COL22A1: variants seen among roughly 807,000 people sequenced by gnomAD.
The protein encoded by COL22A1 is collagen type XXII alpha 1 chain.
In COL22A1, 221 loss-of-function variants were observed where a neutral mutation model predicts 248.9. The ratio of observed to expected loss-of-function variants is 0.89; its 90% confidence interval spans 0.80 to 0.99. The LOEUF (loss-of-function observed/expected upper bound fraction) is 0.99, where lower values mean the gene tolerates loss of function less well. Ranked by LOEUF, COL22A1 falls within the 50% of genes least tolerant of loss-of-function variation. The probability of loss-of-function intolerance (pLI) is 0.00; values close to 1 mark genes in which losing one functional copy is unlikely to be tolerated. For synonymous variants in COL22A1, 891 were observed against 793.4 expected (o/e 1.12, Z -2.07); for missense variants, 2,240 against 2,179.0 (o/e 1.03, Z -0.56).
chr8:138,834,431 CAA>C (rs1293099840), intron 4 of COL22A1, among the ~76,000 whole-genome samples: 1 of 151,758 alleles, frequency 6.6e-6, no homozygotes, highest in Non-Finnish European at 1.5e-5. Context: ...AAATTCTGCC[CAA>C]AGAGATTATT....
chr8:138,782,101 C>A (rs1342127783), intron 12 of COL22A1, among the ~76,000 whole-genome samples: 1 of 152,222 alleles, frequency 6.6e-6, no homozygotes, highest in Non-Finnish European at 1.5e-5. Flanking sequence ...CCTTCCATGG[C>A]CTCAACATTC....
rs997858690 is a variant in COL22A1 at position 138,607,849 on chromosome 8, A to T, written c.4032+87T>A. On this transcript the variant is annotated intron_variant, in intron 57 of 64. Transcript: ENST00000303045. ...TATGTCCCCACCGATGCTTCTAGGG[A>T]CAGAGGCTGGACAATCTGTAATGTG... 22 of 1,314,216 alleles carry T rather than the reference A, an allele frequency of 1.7e-5. No individual in the cohort carries two copies. The South Asian group carries it at 2.4e-4, about 14-fold the overall frequency. 81.4% of individuals were successfully genotyped at this position (1,314,216 alleles called of 1,614,324 possible). A position where few individuals can be genotyped will look rare whatever the true frequency, so the allele number is the denominator to read the frequency against.
chr8:138,598,722 C>T lies in COL22A1; in HGVS notation c.4362G>A (p.Leu1454=). The T allele has an allele frequency of 6.2e-7, 1 of 1,613,010 alleles. No individual in the cohort carries two copies. The highest frequency in any genetic ancestry group is 1.1e-5 in the South Asian group (1 of 90,990). ...AAAGCCATATTAGCATCCTTACCCTCAGTCCTGGAAATCCCGGCTGGCCTG... is the reference window on the plus strand; with the variant it reads ...AAAGCCATATTAGCATCCTTACCCTTAGTCCTGGAAATCCCGGCTGGCCTG... The part of the protein sequence containing the change: ...GPPGQPGFPG[L]RGESPSMETL... Residue 1454 remains leucine (L), a synonymous_variant, in exon 61 of 65, where the codon CTG becomes CTA. Transcript: ENST00000303045.
chr8:138,671,891 T>C (rs924302778), intron 41 of COL22A1, among the ~76,000 whole-genome samples: 3 of 152,236 alleles, frequency 2.0e-5, no homozygotes, highest in African/African-American at 7.2e-5. Context: ...TTCTCTAGCC[T>C]GCTTTGTTGT....
chr8:138,682,883 T>C (rs961502729), intron 39 of COL22A1, among the ~76,000 whole-genome samples: 1 of 152,146 alleles, frequency 6.6e-6, no homozygotes, highest in Non-Finnish European at 1.5e-5. Flanking sequence ...GTACCTTTAG[T>C]AGAGACAGGG....
At chr8:138,768,162 C>T (rs1434782351) in intron 16 of COL22A1, among the ~76,000 whole-genome samples, 2 of 152,166 alleles carry the variant, frequency 1.3e-5, no homozygotes, top group Admixed American at 6.5e-5. Flanking sequence ...AGTGGTCTCC[C>T]CAAAATCCAT....
At chr8:138,707,036 G>C (rs1828522397) in intron 30 of COL22A1, among the ~76,000 whole-genome samples, 1 of 152,168 alleles carries the variant, frequency 6.6e-6, no homozygotes, top group Admixed American at 6.5e-5. Flanking sequence ...AGAAAATCTA[G>C]AAGAAATGGA....
intron 22 of COL22A1, among the ~76,000 whole-genome samples, chr8:138,747,330 A>AT (rs1270645820): frequency 2.0e-5 from 3 of 152,152 alleles, no homozygotes; most frequent in African/African-American, 4.8e-5. Flanking sequence ...ATCATAAAAC[A>AT]TTTTTTTCAT....
chr8:138,692,492 T>C (rs1483772382), intron 35 of COL22A1, among the ~76,000 whole-genome samples: 3 of 136,664 alleles, frequency 2.2e-5, no homozygotes, highest in Non-Finnish European at 4.9e-5. Flanking sequence ...TGTGTGTGTG[T>C]GTGTGTGTGT....
intron 4 of COL22A1, among the ~76,000 whole-genome samples, chr8:138,834,507 G>A (rs1425949495): frequency 1.3e-5 from 2 of 152,174 alleles, no homozygotes; most frequent in Non-Finnish European, 2.9e-5. Flanking sequence ...GTCAGGGAGG[G>A]AAGCAGGTAG....
Position 138,613,452 on chromosome 8 carries a change from A to C in COL22A1, c.3978+415T>G, listed in dbSNP as rs1350076444. ...GAAGGAACCAACCCTGTTGGTGTGC[A>C]TGTCAGGCTTCTGGCCTCTAGAACC... On this transcript the variant is annotated intron_variant, in intron 56 of 64. Coordinates refer to ENST00000303045, the MANE Select transcript of COL22A1 (RefSeq NM_152888.3). Among the ~76,000 whole-genome samples the C allele has an allele frequency of 2.0e-5, 3 of 152,154 alleles. No individual in the cohort carries two copies. The East Asian group carries it at 5.8e-4, about 29-fold the overall frequency.
At chr8:138,861,086 A>G (rs1822421824) in intron 3 of COL22A1, among the ~76,000 whole-genome samples, 1 of 152,100 alleles carries the variant, frequency 6.6e-6, no homozygotes, top group Non-Finnish European at 1.5e-5. Context: ...TGTTCAGCAG[A>G]GACCCCAACC....
chr8:138,901,367 T>TC (rs1554660894), intron 1 of COL22A1, among the ~76,000 whole-genome samples: 1 of 133,534 alleles, frequency 7.5e-6, no homozygotes, highest in Non-Finnish European at 1.6e-5. Context: ...GGTTTTTTTT[T>TC]TGTTTTTTTT....
chr8:138,659,239 T>A (rs1379582018), intron 44 of COL22A1, among the ~76,000 whole-genome samples: 1 of 152,136 alleles, frequency 6.6e-6, no homozygotes, highest in East Asian at 1.9e-4. Flanking sequence ...CATTGGAAGG[T>A]GTTCAGTGAG....
At chr8:138,798,128 C>A (rs778168350) in intron 11 of COL22A1, among the ~76,000 whole-genome samples, 12 of 147,386 alleles carry the variant, frequency 8.1e-5, no homozygotes, top group Non-Finnish European at 1.8e-4. Flanking sequence ...CCTATTTGTA[C>A]AACAAATTTG....
chr8:138,649,812 G>A, intron 45 of COL22A1, 34 bp from the exon 46 acceptor site: 1 of 1,318,156 alleles, frequency 7.6e-7, no homozygotes, highest in African/African-American at 1.5e-5. Flanking sequence ...GACAAAGAGA[G>A]AATAACTAGC....
At chr8:138,766,802 T>C (rs12545158) in intron 16 of COL22A1, among the ~76,000 whole-genome samples, 83,873 of 152,116 alleles carry the variant, frequency 0.55, 25,035 homozygotes, top group East Asian at 0.84. Flanking sequence ...AGTGGAACCA[T>C]GCCATAGTGT....
At chr8:138,725,361 CT>C (rs749794748) in intron 24 of COL22A1, 25 bp downstream of exon 24, 3 of 1,612,822 alleles carry the variant, frequency 1.9e-6, no homozygotes, top group Non-Finnish European at 2.5e-6. Context: ...CTAAGAGCCC[CT>C]GTAGAAAATC....
chr8:138,663,882 A>G (rs1013799223), intron 41 of COL22A1, 142 bp from the exon 42 acceptor site: 9 of 668,908 alleles, frequency 1.3e-5, no homozygotes, highest in East Asian at 2.6e-5. Context: ...CCACACTGCC[A>G]TACCCTCTTG....
Sources: gnomAD v4.1 joint callset for allele counts (sites outside exome capture counted in the v4.1 genomes callset) on GRCh38, gnomAD v4.1.1 for gene constraint, MANE v1.5 for transcripts, NCBI Gene and HGNC (gene_info 2026-07-23, HGNC 2026-07-21) for gene names.